The following USP42 variants were observed in gnomAD, a reference collection of about 807,000 sequenced individuals.
USP42 encodes ubiquitin carboxyl-terminal hydrolase 42.
In USP42, 23 loss-of-function variants were observed where a neutral mutation model predicts 113.0. The ratio of observed to expected loss-of-function variants is 0.20; its 90% CI spans 0.15 to 0.29. The LOEUF is 0.29. USP42 is among the 10% of genes least tolerant of loss of function. USP42 has a pLI of 1.00. For missense variants in USP42, 2,174 were observed against 1,779.8 expected, an observed-to-expected ratio of 1.22 and a Z score of -3.99; for synonymous variants, 933 against 699.0, an observed-to-expected ratio of 1.33 and a Z score of -5.28.
At chr7:6,106,649 C>T (rs1400467769) in intron 1 of USP42, among the ~76,000 whole-genome samples, 1 of 152,186 alleles carries the variant, frequency 6.6e-6, no homozygotes, top group Admixed American at 6.5e-5. Flanking sequence ...ACTGTAGCCT[C>T]AATCTCCTGA....
At chr7:6,130,979 G>C (rs1031481052) in intron 3 of USP42, among the ~76,000 whole-genome samples, 17 of 152,174 alleles carry the variant, frequency 1.1e-4, no homozygotes, top group Admixed American at 1.1e-3. Context: ...CTGAGCCACA[G>C]GTGTGGTCCA....
Position 6,155,103 on chromosome 7 carries a change from G to A in USP42, c.3549G>A (p.Gln1183=). 3 of 1,559,938 alleles carry A rather than the reference G, an allele frequency of 1.9e-6. No homozygotes were observed. The highest frequency in any genetic ancestry group is 1.2e-5 in the South Asian group (1 of 84,390). The change falls in exon 15 of 18, where the codon CAG becomes CAA. Residue 1183 remains glutamine (Q), a synonymous_variant. Coordinates refer to ENST00000306177, the MANE Select transcript of USP42 (RefSeq NM_032172.3). The stretch of plus-strand genomic sequence containing the variant: ...AAAAGAAAGCCCGGAGGAGCGAACA[G>A]AAGGATCCTCTAGAAGAGCCTAAAG... ...HVEKKARRSE[Q]KDPLEEPKAK... is the part of the protein sequence containing the mutation.
At chr7:6,137,259 A>G (rs901138917) in intron 4 of USP42, among the ~76,000 whole-genome samples, 3 of 152,268 alleles carry the variant, frequency 2.0e-5, no homozygotes, top group Admixed American at 6.5e-5. Flanking sequence ...GGCATTATTG[A>G]TAGACCACAA....
intron 3 of USP42, among the ~76,000 whole-genome samples, chr7:6,117,504 C>G (rs780838358): frequency 1.3e-5 from 2 of 152,210 alleles, no homozygotes; most frequent in Non-Finnish European, 2.9e-5. Context: ...CTGCTATGAA[C>G]ATTAGCAAAC....
chr7:6,114,687 T>TC, intron 2 of USP42, among the ~76,000 whole-genome samples: 1 of 66,824 alleles, frequency 1.5e-5, no homozygotes, highest in South Asian at 5.5e-4. Context: ...TATTTTTTTT[T>TC]TTTTTTTTTT....
chr7:6,153,728 G>A (rs1024236280), intron 14 of USP42, 28 bp from the exon 15 acceptor site: 2 of 1,432,118 alleles, frequency 1.4e-6, no homozygotes, highest in Admixed American at 2.9e-5. Context: ...CACGCTAACG[G>A]GCGTGTTTGT....
At chr7:6,128,136 A>G (rs1195534782) in intron 3 of USP42, 2 of 151,798 alleles carry the variant, frequency 1.3e-5, no homozygotes, top group African/African-American at 4.8e-5. Context: ...TTACTTTTGT[A>G]GAGATTTGGT....
At chr7:6,122,281 T>G (rs1166570826) in intron 3 of USP42, among the ~76,000 whole-genome samples, 3 of 97,660 alleles carry the variant, frequency 3.1e-5, no homozygotes, top group African/African-American at 8.5e-5. Flanking sequence ...ATGTGTCAGT[T>G]TTTTTTTTTT....
intron 15 of USP42, among the ~76,000 whole-genome samples, chr7:6,155,785 T>G (rs567156125): frequency 1.3e-5 from 2 of 152,294 alleles, no homozygotes; most frequent in African/African-American, 4.8e-5. Flanking sequence ...AGGGTGTTGC[T>G]CTGTCACCCA....
At position 6,142,955 on chromosome 7, in the gene USP42, A is replaced by T. The variant is rs758884605; in HGVS notation, c.819A>T (p.Ala273=). The change falls in exon 8 of 18, where the codon GCA becomes GCT. Residue 273 remains alanine, a synonymous_variant. Transcript: ENST00000306177. ...AGGCTGCTCAGAGTGTCAACAAGGC[A>T]TTGGAGCAGTTTGTGAAGCCGGAAC... ...EIKAAQSVNK[A]LEQFVKPEQL... The T allele has an allele frequency of 6.2e-7, 1 of 1,614,022 alleles. No homozygotes were observed.
chr7:6,121,405 A>G (rs757492908), intron 3 of USP42, among the ~76,000 whole-genome samples: 35 of 152,186 alleles, frequency 2.3e-4, no homozygotes, highest in Non-Finnish European at 2.8e-4. Flanking sequence ...TTGATTTGCT[A>G]AAATTGTAAA....
chr7:6,154,577 C>G lies in USP42; in HGVS notation c.3023C>G (p.Pro1008Arg), dbSNP rs764934568. 1.3e-5 allele frequency: 20 copies of G among 1,561,918 alleles called. No individual in the cohort carries two copies. In the African/African-American group the frequency reaches 1.9e-4, roughly 15 times the overall value. Residue 1008 changes from proline (P) to arginine (R), a missense_variant, in exon 15 of 18, where the codon CCT becomes CGT. Transcript: ENST00000306177. ...CCCGGCCACGGCGACAGGCTCAGCCCTGGCGAGCGCCGCTCTCTGGGCAGG... is the reference window on the plus strand; with the variant it reads ...CCCGGCCACGGCGACAGGCTCAGCCGTGGCGAGCGCCGCTCTCTGGGCAGG... ...HHPGHGDRLSPGERRSLGRCS... is the reference protein window; with the variant it reads ...HHPGHGDRLSRGERRSLGRCS...
rs536091458 is a variant in USP42 at position 6,160,882 on chromosome 7, G to T, written c.*364G>T. On this transcript the variant is annotated 3_prime_UTR_variant, in exon 18 of 18. Transcript: ENST00000306177. ...AATGTTCCTCCAAGTTAGACATCTG[G>T]TGCAAGACCAACCGGGAGACCATGG... The T allele has an allele frequency of 1.6e-4, 24 of 152,682 alleles. No individual in the cohort carries two copies. The highest frequency in any genetic ancestry group is 5.5e-4 in the African/African-American group (23 of 41,532). The allele number at this position is 152,682 out of a possible 1,614,324, so 9.5% of individuals were successfully genotyped here.
At chr7:6,155,382 C>T (rs537075958) in intron 15 of USP42, among the ~76,000 whole-genome samples, 187 bp downstream of exon 15, 2 of 152,286 alleles carry the variant, frequency 1.3e-5, no homozygotes, top group South Asian at 2.1e-4. Flanking sequence ...ATTTGCCCTG[C>T]TTTGAAGCTG....
intron 3 of USP42, chr7:6,116,920 C>T (rs760685330): frequency 9.8e-6 from 5 of 509,116 alleles, no homozygotes; most frequent in Non-Finnish European, 1.6e-5. Flanking sequence ...AATTCAGAAG[C>T]TCCCGATGTC....
rs928243402 is a variant in USP42, at chr7:6,157,903, T to C, written c.3943+848T>C. ...CCACACGCTGTGCTCTTACTGCACTTGAGGCAGCCCCCCACTTCCTCTCCC... is the reference window on the plus strand; with the variant it reads ...CCACACGCTGTGCTCTTACTGCACTCGAGGCAGCCCCCCACTTCCTCTCCC... On this transcript the variant is annotated intron_variant, in intron 16 of 17. Transcript: ENST00000306177. This position sits in a 1 kb window ranked among gnomAD's most constrained non-coding sequence, Gnocchi z 4.1. Among the ~76,000 whole-genome samples, 1 of 152,116 alleles carries C rather than the reference T, an allele frequency of 6.6e-6. No homozygotes were observed. Among genetic ancestry groups the C allele is most frequent in the African/African-American group, 2.4e-5 (1 of 41,424 alleles).
chr7:6,123,394 T>G (rs1780344439), intron 3 of USP42, among the ~76,000 whole-genome samples: 1 of 152,112 alleles, frequency 6.6e-6, no homozygotes, highest in African/African-American at 2.4e-5. Flanking sequence ...CTGGGTGCGG[T>G]GGCTCACGCC....
At chr7:6,124,565 T>C (rs1780421233) in intron 3 of USP42, among the ~76,000 whole-genome samples, 1 of 152,136 alleles carries the variant, frequency 6.6e-6, no homozygotes, top group African/African-American at 2.4e-5. Flanking sequence ...TGCCCAGCTT[T>C]AAAGTGGATT....
chr7:6,095,631 T>C, the USP42 span, among the ~76,000 whole-genome samples: 1 of 150,888 alleles, frequency 6.6e-6, no homozygotes, highest in Non-Finnish European at 1.5e-5. Context: ...ATTGCGCCAC[T>C]GCACTCCAGC....
Sources: gnomAD v4.1 joint callset for allele counts (sites outside exome capture counted in the v4.1 genomes callset) on GRCh38, gnomAD v4.1.1 for gene constraint, Gnocchi (gnomAD v3.1) non-coding constraint, MANE v1.5 for transcripts, NCBI Gene and HGNC (gene_info 2026-07-23, HGNC 2026-07-21) for gene names.